Variants in SYT3 observed in about 807,000 individuals in gnomAD.
SYT3 encodes the protein synaptotagmin-3.
Under a neutral mutation model 50.6 loss-of-function variants are expected in SYT3, and 25 were observed. The ratio of observed to expected loss-of-function variants is 0.49; its 90% confidence interval spans 0.36 to 0.69. The LOEUF is 0.69. Ranked by LOEUF, SYT3 falls within the 30% of genes least tolerant of loss-of-function variation. SYT3 has a pLI of 0.00. For missense variants in SYT3, 589 were observed against 793.6 expected, an observed-to-expected ratio of 0.74 and a Z score of 3.10; for synonymous variants, 323 against 353.9, an observed-to-expected ratio of 0.91 and a Z score of 0.98.
Position 50,632,382 on chromosome 19 carries a change from C to T in SYT3, c.578G>A (p.Gly193Glu). The T allele has an allele frequency of 6.2e-7, 1 of 1,612,888 alleles. No homozygotes were observed. Among genetic ancestry groups the T allele is most frequent in the Non-Finnish European group, 8.5e-7 (1 of 1,179,206 alleles). Reference sequence around the variant, plus strand: ...CAGCAGGAGCAACCCAGAGCCTGCTCCCCCCTCAGAGGGCAGCTCAGGGGA... The same window carrying T: ...CAGCAGGAGCAACCCAGAGCCTGCTTCCCCCTCAGAGGGCAGCTCAGGGGA... ...QTSPELPSEG[G>E]AGSGLLLLPP... The change falls in exon 4 of 11, where the codon GGA becomes GAA. Residue 193 changes from glycine to glutamate, a missense_variant. Gly to Glu is a moderately conservative substitution (Grantham distance 98). Transcript: ENST00000600079. The surrounding 1 kb of genome is among the most constrained non-coding windows in gnomAD (Gnocchi z 4.7).
At chr19:50,653,171 A>C in the SYT3 span, among the ~76,000 whole-genome samples, 5 of 152,046 alleles carry the variant, frequency 3.3e-5, no homozygotes, top group African/African-American at 9.7e-5. Context: ...CGGAGTACCT[A>C]AGACTACAGG....
In SYT3 at chr19:50,628,931, C is replaced by T. The variant is rs138403829; in HGVS notation, c.1281+363G>A. ...CCTCCACTTCCTGGTGCAAGCGATT[C>T]TCCTGCCTCATCCTCCTAAGTAGCT... On this transcript the variant is annotated intron_variant, in intron 6 of 10. Coordinates refer to ENST00000600079, the MANE Select transcript of SYT3 (RefSeq NM_001160329.2). Among the ~76,000 whole-genome samples, 914 of 150,610 alleles carry T rather than the reference C, an allele frequency of 6.1e-3. 12 individuals are homozygous for T. The highest frequency in any genetic ancestry group is 0.021 in the African/African-American group (847 of 40,980).
intron 6 of SYT3, among the ~76,000 whole-genome samples, chr19:50,627,746 TGA>T (rs1158759681): frequency 1.7e-5 from 2 of 116,310 alleles, no homozygotes; most frequent in African/African-American, 3.4e-5. Context: ...AAAAAAAAAA[TGA>T]GAGAGAGAGA....
At chr19:50,629,154 C>G (rs1424698082) in intron 6 of SYT3, 140 bp downstream of exon 6, 2 of 715,898 alleles carry the variant, frequency 2.8e-6, no homozygotes, top group Non-Finnish European at 4.4e-6. Flanking sequence ...AGTTTGCAGT[C>G]TTCCCCAGTG....
At chr19:50,653,681 A>G in the SYT3 span, among the ~76,000 whole-genome samples, 1 of 120,646 alleles carries the variant, frequency 8.3e-6, no homozygotes, top group Non-Finnish European at 1.7e-5. Context: ...AATGAGAGAC[A>G]GCACACACAC....
chr19:50,656,576 T>G, the SYT3 span, among the ~76,000 whole-genome samples: 3 of 152,148 alleles, frequency 2.0e-5, no homozygotes, highest in Admixed American at 2.0e-4. Flanking sequence ...AAGGGGAGGC[T>G]GAGGGGGGCA....
At position 50,623,613 on chromosome 19, in the gene SYT3, C is replaced by CAA. The variant is rs529397903; in HGVS notation, c.1708-860_1708-859dup. On this transcript the variant is annotated intron_variant, in intron 9 of 10. Transcript: ENST00000600079. The stretch of plus-strand genomic sequence containing the variant: ...ACAACATGGCAAAACCCTGTCTCTA[C>CAA]AAAAAAAAAAAAAAAAAAAAAAAAA... 7.9e-4 allele frequency among the ~76,000 whole-genome samples: 72 copies of CAA among 91,602 alleles called. 3 individuals are homozygous for CAA. Among genetic ancestry groups the CAA allele is most frequent in the Middle Eastern group, 5.7e-3 (1 of 174 alleles). The allele number at this position is 91,602 out of a possible 152,430, so 60.1% of individuals were successfully genotyped here.
chr19:50,643,106 C>G (rs1242509925), upstream of SYT3, among the ~76,000 whole-genome samples: 2 of 152,086 alleles, frequency 1.3e-5, no homozygotes, highest in African/African-American at 4.8e-5. Context: ...TGCAGTGGCT[C>G]ACACCTGTAA....
chr19:50,624,656 G>A lies in SYT3; in HGVS notation c.1707+506C>T, dbSNP rs543120844. Among the ~76,000 whole-genome samples the A allele has an allele frequency of 1.2e-4, 18 of 151,720 alleles. 1 individual carries two copies. The South Asian group carries it at 2.3e-3, about 19-fold the overall frequency. On this transcript the variant is annotated intron_variant, in intron 9 of 10. Transcript: ENST00000600079. ...CAACCTCTGCCTCCCAGGTTCAAGCGATTCTCCTGCCTCAGCCTCCCAAGT... is the reference window on the plus strand; with the variant it reads ...CAACCTCTGCCTCCCAGGTTCAAGCAATTCTCCTGCCTCAGCCTCCCAAGT...
intron 2 of SYT3, chr19:50,638,009 T>G (rs937918482): frequency 6.6e-6 from 1 of 152,334 alleles, no homozygotes; most frequent in Non-Finnish European, 1.5e-5. Flanking sequence ...TTCCCTGACC[T>G]CCCGGTGTCA....
Position 50,632,839 on chromosome 19 carries a change from G to C in SYT3, c.149-28C>G, listed in dbSNP as rs1984368218. 6.8e-7 allele frequency: 1 copy of C among 1,479,800 alleles called. No individual in the cohort carries two copies. The highest frequency in any genetic ancestry group is 1.4e-5 in the African/African-American group (1 of 71,346). The allele number at this position is 1,479,800 out of a possible 1,614,324, so 91.7% of individuals were successfully genotyped here. A position where few individuals can be genotyped will look rare whatever the true frequency, so the allele number is the denominator to read the frequency against. On this transcript the variant is annotated intron_variant, in intron 3 of 10. Coordinates refer to ENST00000600079, the MANE Select transcript of SYT3 (RefSeq NM_001160329.2). This position sits in a 1 kb window ranked among gnomAD's most constrained non-coding sequence, Gnocchi z 4.7. ...GGAGAGAACGAGGACAGAGGTAGGG[G>C]TCAGGATGGGGTCACAGTACATCCT...
the SYT3 span, among the ~76,000 whole-genome samples, chr19:50,646,777 G>A: frequency 6.6e-6 from 1 of 151,976 alleles, no homozygotes; most frequent in Non-Finnish European, 1.5e-5. Context: ...TGGAAAGAGT[G>A]GAGACAGAAA....
At chr19:50,656,682 T>A in the SYT3 span, among the ~76,000 whole-genome samples, 1 of 152,112 alleles carries the variant, frequency 6.6e-6, no homozygotes, top group South Asian at 2.1e-4. Flanking sequence ...TCGGGTGCGG[T>A]GGCTCACGCC....
chr19:50,633,198 G>GC (rs1555735354), intron 3 of SYT3, among the ~76,000 whole-genome samples: 58 of 152,100 alleles, frequency 3.8e-4, no homozygotes, highest in African/African-American at 1.3e-3. Flanking sequence ...GCCCAGGCTG[G>GC]CTCGAACTCC....
At chr19:50,626,509 G>A (rs951126334) in intron 6 of SYT3, among the ~76,000 whole-genome samples, 1 of 126,628 alleles carries the variant, frequency 7.9e-6, no homozygotes, top group Non-Finnish European at 1.6e-5. Context: ...AGAGAGGGGG[G>A]GGGACAGAGA....
rs1171345720 is a variant in SYT3 at position 50,625,353 on chromosome 19, A to G, written c.1574+40T>C. 6.5e-7 allele frequency: 1 copy of G among 1,538,550 alleles called. No homozygotes were observed. The highest frequency in any genetic ancestry group is 8.7e-7 in the Non-Finnish European group (1 of 1,143,884). ...TGGTGGGAGGGCCTGTCCCCACCCC[A>G]GCCCTCCTGCCTGACCCCCGCCCGG... is the stretch of plus-strand genomic sequence containing the variant. On this transcript the variant is annotated intron_variant, in intron 8 of 10. Coordinates refer to ENST00000600079, the MANE Select transcript of SYT3 (RefSeq NM_001160329.2). The surrounding 1 kb of genome is among the most constrained non-coding windows in gnomAD (Gnocchi z 7.5).
the SYT3 span, among the ~76,000 whole-genome samples, chr19:50,647,822 C>T: frequency 6.6e-6 from 1 of 152,032 alleles, no homozygotes; most frequent in Non-Finnish European, 1.5e-5. Flanking sequence ...GTCAGGTGTG[C>T]CTGTGGTCAA....
At chr19:50,642,906 G>A (rs1288881557), upstream of SYT3, among the ~76,000 whole-genome samples, 1 of 152,202 alleles carries the variant, frequency 6.6e-6, no homozygotes, top group Non-Finnish European at 1.5e-5. Context: ...TAAATTCATG[G>A]AAGGTGCTTA....
chr19:50,646,925 G>A, the SYT3 span, among the ~76,000 whole-genome samples: 1 of 152,048 alleles, frequency 6.6e-6, no homozygotes, highest in Non-Finnish European at 1.5e-5. Context: ...CTGCTTCCCG[G>A]GCTCACGCCA....
Sources: gnomAD v4.1 joint callset for allele counts (sites outside exome capture counted in the v4.1 genomes callset) on GRCh38, gnomAD v4.1.1 for gene constraint, Gnocchi (gnomAD v3.1) non-coding constraint, MANE v1.5 for transcripts, NCBI Gene and HGNC (gene_info 2026-07-23, HGNC 2026-07-21) for gene names.